NCOA1: variants seen among roughly 807,000 people sequenced by gnomAD.
NCOA1 encodes the protein nuclear receptor coactivator 1, also known as Hin-2 protein.
NCOA1 carries 35 observed loss-of-function variants against 150.9 expected under a neutral mutation model. The ratio of observed to expected loss-of-function variants is 0.23; its 90% CI spans 0.18 to 0.31. The LOEUF is 0.31. NCOA1 is among the 10% of genes least tolerant of loss of function. The probability of loss-of-function intolerance (pLI) is 1.00; values close to 1 mark genes in which losing one functional copy is unlikely to be tolerated. For synonymous variants in NCOA1, 590 were observed against 630.0 expected (o/e 0.94, Z 0.95); for missense variants, 1,491 against 1,749.3 (o/e 0.85, Z 2.63).
intron 3 of NCOA1, among the ~76,000 whole-genome samples, chr2:24,632,792 A>ATAAATAATAC (rs1669763929): frequency 6.6e-6 from 1 of 152,230 alleles, no homozygotes; most frequent in African/African-American, 2.4e-5. Context: ...CCTGTATACA[A>ATAAATAATAC]GTGTTTGAAA....
chr2:24,582,920 T>C (rs1667257310), intron 2 of NCOA1, among the ~76,000 whole-genome samples: 1 of 152,154 alleles, frequency 6.6e-6, no homozygotes, highest in African/African-American at 2.4e-5. Flanking sequence ...AACTAGACCC[T>C]CATCTCTCAT....
chr2:24,518,593 C>CA (rs1664301046), intron 1 of NCOA1, among the ~76,000 whole-genome samples: 1 of 151,780 alleles, frequency 6.6e-6, no homozygotes. Flanking sequence ...ATAGATTCTA[C>CA]AAAAAAGCTA....
At chr2:24,751,212 C>T (rs1352376311) in intron 19 of NCOA1, among the ~76,000 whole-genome samples, 2 of 150,934 alleles carry the variant, frequency 1.3e-5, no homozygotes, top group Admixed American at 6.6e-5. Context: ...GTGATCCACC[C>T]ACCTCGGCCT....
intron 14 of NCOA1, among the ~76,000 whole-genome samples, chr2:24,723,689 T>C (rs1326912859): frequency 2.6e-5 from 4 of 152,218 alleles, no homozygotes; most frequent in Non-Finnish European, 5.9e-5. Context: ...TTTTATAATA[T>C]TCATTTATGT....
chr2:24,499,144 A>C (rs1288565028), intron 1 of NCOA1, among the ~76,000 whole-genome samples: 2 of 152,204 alleles, frequency 1.3e-5, no homozygotes, highest in Non-Finnish European at 2.9e-5. Context: ...TATTCATTTT[A>C]ATAATTCCCT....
chr2:24,581,243 A>G (rs890406921), intron 2 of NCOA1, among the ~76,000 whole-genome samples: 1 of 152,232 alleles, frequency 6.6e-6, no homozygotes, highest in East Asian at 1.9e-4. Flanking sequence ...GTACCTTGTT[A>G]CTACTAGGTG....
At chr2:24,536,821 C>T (rs1267620400) in intron 1 of NCOA1, among the ~76,000 whole-genome samples, 1 of 152,144 alleles carries the variant, frequency 6.6e-6, no homozygotes, top group Non-Finnish European at 1.5e-5. Context: ...GCAAATACTA[C>T]TGCCTGATAC....
At chr2:24,757,523 AAC>A (rs1272667622) in intron 20 of NCOA1, among the ~76,000 whole-genome samples, 1 of 152,190 alleles carries the variant, frequency 6.6e-6, no homozygotes, top group Non-Finnish European at 1.5e-5. Flanking sequence ...TCTACAAGCA[AAC>A]ACAATATAAG....
At chr2:24,677,112 G>A (rs900112369) in intron 7 of NCOA1, among the ~76,000 whole-genome samples, 7 of 152,054 alleles carry the variant, frequency 4.6e-5, no homozygotes, top group African/African-American at 9.7e-5. Flanking sequence ...GGGAGGCCAC[G>A]GCAGGCGGAT....
At position 24,707,406 on chromosome 2, in the gene NCOA1, C is replaced by G. The variant is rs754506573; in HGVS notation, c.1936C>G (p.Arg646Gly). 1.2e-6 allele frequency: 2 copies of G among 1,614,180 alleles called. No homozygotes were observed. Among genetic ancestry groups the G allele is most frequent in the Non-Finnish European group, 8.5e-7 (1 of 1,180,032 alleles). Residue 646 changes from arginine (R) to glycine (G), a missense_variant, in exon 13 of 23, where the codon CGG (arginine) becomes GGG (glycine). Physicochemically the swap from Arg to Gly is moderately radical, Grantham distance 125 (BLOSUM62 -2). Transcript: ENST00000348332. ...GACAACAACTGCCGAACAGCAGTTA[C>G]GGCATGCTGATATAGACACAAGCTG... The part of the protein sequence containing the change: ...LLTTTAEQQL[R>G]HADIDTSCKD...
intron 3 of NCOA1, among the ~76,000 whole-genome samples, chr2:24,616,587 C>T (rs964019157): frequency 1.3e-5 from 2 of 152,002 alleles, no homozygotes; most frequent in Non-Finnish European, 1.5e-5. Context: ...TTAAAAATAC[C>T]CCCAAAACAG....
At chr2:24,703,330 T>C (rs977821959) in intron 11 of NCOA1, among the ~76,000 whole-genome samples, 3 of 152,148 alleles carry the variant, frequency 2.0e-5, no homozygotes, top group Non-Finnish European at 4.4e-5. Context: ...AACTGGAGAG[T>C]CTTACTGAGT....
At chr2:24,664,218 TA>T (rs1417351688) in intron 5 of NCOA1, among the ~76,000 whole-genome samples, 1 of 152,218 alleles carries the variant, frequency 6.6e-6, no homozygotes, top group Non-Finnish European at 1.5e-5. Flanking sequence ...AATACAATTT[TA>T]ATAACTACAA....
At chr2:24,647,322 G>A (rs183379258) in intron 4 of NCOA1, among the ~76,000 whole-genome samples, 135 of 152,232 alleles carry the variant, frequency 8.9e-4, no homozygotes, top group African/African-American at 3.2e-3. Flanking sequence ...ACCTAAGACC[G>A]ATTTCTTCCT....
intron 7 of NCOA1, 81 bp downstream of exon 7, chr2:24,673,544 A>G: frequency 3.9e-6 from 3 of 776,718 alleles, no homozygotes; most frequent in Middle Eastern, 2.6e-4. Context: ...AATGCCTTAT[A>G]TCCAGTTAAT....
At chr2:24,691,257 G>A (rs1420221952) in intron 8 of NCOA1, among the ~76,000 whole-genome samples, 2 of 152,162 alleles carry the variant, frequency 1.3e-5, no homozygotes, top group Non-Finnish European at 1.5e-5. Flanking sequence ...AAGATCATAC[G>A]TATTTTCTTG....
chr2:24,612,873 A>G (rs1668691474), intron 3 of NCOA1, among the ~76,000 whole-genome samples: 1 of 152,046 alleles, frequency 6.6e-6, no homozygotes, highest in Non-Finnish European at 1.5e-5. Flanking sequence ...TGAATTCTTT[A>G]TCTGTCATAT....
intron 4 of NCOA1, among the ~76,000 whole-genome samples, chr2:24,656,673 T>C (rs1670966200): frequency 6.6e-6 from 1 of 152,210 alleles, no homozygotes; most frequent in South Asian, 2.1e-4. Context: ...TCTACTTCTA[T>C]GAGATTAACT....
At chr2:24,621,247 C>T (rs892591845) in intron 3 of NCOA1, among the ~76,000 whole-genome samples, 6 of 151,918 alleles carry the variant, frequency 3.9e-5, no homozygotes, top group Admixed American at 6.6e-5. Context: ...ATTACAGTAA[C>T]GGCACTTCAG....
Sources: gnomAD v4.1 joint callset for allele counts (sites outside exome capture counted in the v4.1 genomes callset) on GRCh38, gnomAD v4.1.1 for gene constraint, MANE v1.5 for transcripts, NCBI Gene and HGNC (gene_info 2026-07-23, HGNC 2026-07-21) for gene names.